The following PRRC2B variants were observed in gnomAD, a reference collection of about 807,000 sequenced individuals.
The protein encoded by PRRC2B is proline rich coiled-coil 2B.
Under a neutral mutation model 242.3 loss-of-function variants are expected in PRRC2B, and 68 were observed. The ratio of observed to expected loss-of-function variants is 0.28; its 90% CI spans 0.23 to 0.34. The LOEUF (loss-of-function observed/expected upper bound fraction) is 0.34, where lower values mean the gene tolerates loss of function less well. Ranked by LOEUF, PRRC2B falls within the 10% of genes least tolerant of loss-of-function variation. The probability of loss-of-function intolerance (pLI) is 1.00; values close to 1 mark genes in which losing one functional copy is unlikely to be tolerated. For missense variants in PRRC2B, 2,835 were observed against 2,954.8 expected (o/e 0.96, Z 0.94); for synonymous variants, 1,228 against 1,173.6 (o/e 1.05, Z -0.95).
chr9:131,376,876 A>G (rs1836692098), intron 1 of PRRC2B, among the ~76,000 whole-genome samples: 1 of 152,078 alleles, frequency 6.6e-6, no homozygotes, highest in African/African-American at 2.4e-5. Context: ...GCATGGTGGT[A>G]TGCACCTGTA....
chr9:131,483,141 G>C (rs1039132117), intron 22 of PRRC2B, among the ~76,000 whole-genome samples: 5 of 152,160 alleles, frequency 3.3e-5, no homozygotes, highest in South Asian at 4.1e-4. Flanking sequence ...CCCTGTTTCT[G>C]TCAGGCCACC....
intron 1 of PRRC2B, among the ~76,000 whole-genome samples, chr9:131,422,619 C>T (rs987020527): frequency 2.0e-5 from 3 of 152,208 alleles, no homozygotes; most frequent in African/African-American, 7.2e-5. Context: ...GAAATTAATC[C>T]TGTTACCCGG....
chr9:131,387,005 TC>T (rs1836834999), intron 1 of PRRC2B, among the ~76,000 whole-genome samples: 2 of 149,226 alleles, frequency 1.3e-5, no homozygotes, highest in South Asian at 2.1e-4. Context: ...TTTCTTTCTT[TC>T]TTTCTTTCTT....
intron 9 of PRRC2B, among the ~76,000 whole-genome samples, chr9:131,450,909 C>T (rs1281198881): frequency 2.0e-5 from 3 of 152,078 alleles, no homozygotes; most frequent in Admixed American, 1.3e-4. Context: ...ATCTTTAGGT[C>T]CAGGAACCTG....
intron 1 of PRRC2B, among the ~76,000 whole-genome samples, chr9:131,376,089 C>G (rs1440468118): frequency 6.7e-6 from 1 of 149,082 alleles, no homozygotes. Flanking sequence ...TGGCTCACGT[C>G]TGTAATCCCA....
intron 1 of PRRC2B, among the ~76,000 whole-genome samples, chr9:131,420,493 C>CTTTCTTTCTTTCTTTCTTTCTTTTCTTTT: frequency 3.3e-5 from 1 of 30,164 alleles, no homozygotes; most frequent in Non-Finnish European, 6.4e-5. Flanking sequence ...TTCTTTCTTT[C>CTTTCTTTCTTTCTTTCTTTCTTTTCTTTT]TTTTTTTTTT....
intron 30 of PRRC2B, among the ~76,000 whole-genome samples, chr9:131,493,081 C>T (rs1944240766): frequency 6.6e-6 from 1 of 152,198 alleles, no homozygotes; most frequent in African/African-American, 2.4e-5. Flanking sequence ...CTGAGGAGCG[C>T]TCTGCAAGCC....
In PRRC2B at chr9:131,487,943, G is replaced by A. The variant is rs759961110; in HGVS notation, c.6072G>A (p.Ala2024=). The stretch of plus-strand genomic sequence containing the variant: ...CAGCCTTGAAGCCTCCATACTCGGC[G>A]TTCCCAGGCATGCAGCCCTTGGAGA... ...GGTALKPPYS[A]FPGMQPLEMV... The change falls in exon 28 of 32, where the codon GCG becomes GCA. Residue 2024 remains alanine, a synonymous_variant. Transcript: ENST00000683519. This position sits in a 1 kb window ranked among gnomAD's most constrained non-coding sequence, Gnocchi z 5.3. 18 of 1,613,386 alleles carry A rather than the reference G, an allele frequency of 1.1e-5. No individual in the cohort carries two copies. The highest frequency in any genetic ancestry group is 5.0e-5 in the Admixed American group (3 of 59,924).
intron 25 of PRRC2B, 39 bp downstream of exon 25, chr9:131,485,179 C>A: frequency 6.8e-7 from 1 of 1,464,862 alleles, no homozygotes; most frequent in Non-Finnish European, 9.2e-7. Context: ...GGTCCTTCTC[C>A]ATTTATTATC....
At chr9:131,430,950 T>C (rs1433930430) in intron 2 of PRRC2B, among the ~76,000 whole-genome samples, 2 of 149,434 alleles carry the variant, frequency 1.3e-5, no homozygotes, top group East Asian at 2.0e-4. Context: ...ATTAGTGTTA[T>C]CCTTTTTTTT....
At position 131,488,169 on chromosome 9, in the gene PRRC2B, G is replaced by A. The variant is rs1176994013; in HGVS notation, c.6225+73G>A. ...ACGACCTTGCCTTTTCTTTTCACCC[G>A]CCTCTCAGTGTGTGCTGGCCTATCG... is the stretch of plus-strand genomic sequence containing the variant. On this transcript the variant is annotated intron_variant, in intron 28 of 31. Coordinates refer to ENST00000683519, the MANE Select transcript of PRRC2B (RefSeq NM_013318.4). 10 of 1,519,914 alleles carry A rather than the reference G, an allele frequency of 6.6e-6. No homozygotes were observed. In the East Asian group the frequency reaches 1.2e-4, roughly 18 times the overall value. The allele number at this position is 1,519,914 out of a possible 1,614,324, so 94.2% of individuals were successfully genotyped here.
intron 1 of PRRC2B, among the ~76,000 whole-genome samples, chr9:131,408,845 G>A (rs996140299): frequency 6.6e-6 from 1 of 150,714 alleles, no homozygotes; most frequent in Non-Finnish European, 1.5e-5. Context: ...TCAGCCTTCC[G>A]AGTAGCTGGG....
At chr9:131,463,442 G>A (rs1387864527) in intron 11 of PRRC2B, among the ~76,000 whole-genome samples, 4 of 151,822 alleles carry the variant, frequency 2.6e-5, no homozygotes, top group Non-Finnish European at 4.4e-5. Context: ...TCTTTTTCTG[G>A]TACTCAGATC....
chr9:131,480,315 C>T (rs561094531), intron 19 of PRRC2B, among the ~76,000 whole-genome samples: 4 of 152,216 alleles, frequency 2.6e-5, no homozygotes, highest in Non-Finnish European at 5.9e-5. Flanking sequence ...TACAAAATAA[C>T]ATTCAACATG....
chr9:131,402,665 C>T (rs1837256545), intron 1 of PRRC2B, among the ~76,000 whole-genome samples: 1 of 152,152 alleles, frequency 6.6e-6, no homozygotes, highest in African/African-American at 2.4e-5. Flanking sequence ...AAACCAAGCT[C>T]ACCTCAGTCT....
At chr9:131,443,657 C>T (rs900157196) in intron 5 of PRRC2B, among the ~76,000 whole-genome samples, 2 of 151,876 alleles carry the variant, frequency 1.3e-5, no homozygotes. Context: ...TCTTGAACTC[C>T]TGAGTTCAAA....
chr9:131,459,562 A>G (rs1298775290), intron 11 of PRRC2B, among the ~76,000 whole-genome samples: 3 of 151,976 alleles, frequency 2.0e-5, no homozygotes, highest in Non-Finnish European at 2.9e-5. Context: ...CTAGGATTAC[A>G]GGTGTGAGCC....
At chr9:131,448,522 C>G (rs924091236) in intron 9 of PRRC2B, among the ~76,000 whole-genome samples, 1 of 92,692 alleles carries the variant, frequency 1.1e-5, no homozygotes, top group Non-Finnish European at 2.1e-5. Flanking sequence ...CCAGCTTGGG[C>G]GACAGAGGGA....
At chr9:131,490,663 T>TA (rs1944165066) in intron 28 of PRRC2B, 2 of 512,024 alleles carry the variant, frequency 3.9e-6, no homozygotes, top group Admixed American at 3.9e-5. Flanking sequence ...TTGTTCTAGT[T>TA]AGTTAGGCCC....
Sources: allele counts gnomAD v4.1 joint callset (sites outside exome capture counted in the v4.1 genomes callset), GRCh38; gene constraint gnomAD v4.1.1; non-coding constraint Gnocchi (gnomAD v3.1); transcripts MANE v1.5; gene names NCBI Gene and HGNC (gene_info 2026-07-23, HGNC 2026-07-21).